Variants in SH3GL2 observed in about 807,000 individuals in gnomAD.
SH3GL2 encodes endophilin-A1.
A neutral mutation model predicts 46.0 loss-of-function variants in SH3GL2; 24 were observed. That is an observed-to-expected ratio of 0.52 (90% confidence interval 0.38 to 0.73). The LOEUF (loss-of-function observed/expected upper bound fraction) is 0.73, where lower values mean the gene tolerates loss of function less well. SH3GL2 is among the 30% of genes least tolerant of loss of function. SH3GL2 has a pLI of 0.00. For synonymous variants in SH3GL2, 196 were observed against 147.1 expected (o/e 1.33, Z -2.40); for missense variants, 413 against 424.2 (o/e 0.97, Z 0.23).
chr9:17,608,277 A>G (rs1430682640), intron 1 of SH3GL2, among the ~76,000 whole-genome samples: 1 of 150,692 alleles, frequency 6.6e-6, no homozygotes, highest in Non-Finnish European at 1.5e-5. Context: ...CCTCCCGAGT[A>G]TCTGGGACTA....
chr9:17,609,768 C>A (rs954435017), intron 1 of SH3GL2, among the ~76,000 whole-genome samples: 1 of 152,208 alleles, frequency 6.6e-6, no homozygotes, highest in African/African-American at 2.4e-5. Flanking sequence ...GACAGCTGAG[C>A]AAAGGCTCCC....
chr9:17,795,879 G>A lies in SH3GL2; in HGVS notation c.*136G>A. ...TCATCCAGCCCCACCAAGTGACTTT[G>A]GTTGACTTGTGGGCTCCCACAGGAG... On this transcript the variant is annotated 3_prime_UTR_variant, in exon 9 of 9. Coordinates refer to ENST00000380607, the MANE Select transcript of SH3GL2 (RefSeq NM_003026.5). The A allele has an allele frequency of 1.4e-6, 1 of 696,736 alleles. No homozygotes were observed. The highest frequency in any genetic ancestry group is 2.7e-5 in the East Asian group (1 of 36,732). The allele number at this position is 696,736 out of a possible 1,614,324, so 43.2% of individuals were successfully genotyped here. A position where few individuals can be genotyped will look rare whatever the true frequency, so the allele number is the denominator to read the frequency against.
chr9:17,738,676 A>AGAGAGAGAGAGAG (rs1554645350), intron 1 of SH3GL2, among the ~76,000 whole-genome samples: 1 of 147,374 alleles, frequency 6.8e-6, no homozygotes, highest in Non-Finnish European at 1.5e-5. Flanking sequence ...AGAGAGAGAT[A>AGAGAGAGAGAGAG]ATTTTATTTC....
chr9:17,755,608 A>G (rs1016371702), intron 2 of SH3GL2: 2 of 164,236 alleles, frequency 1.2e-5, no homozygotes, highest in African/African-American at 4.8e-5. Flanking sequence ...GACTGAATTT[A>G]TTTATATATT....
intron 1 of SH3GL2, among the ~76,000 whole-genome samples, chr9:17,675,479 G>C (rs1473099363): frequency 6.6e-6 from 1 of 152,140 alleles, no homozygotes; most frequent in African/African-American, 2.4e-5. Flanking sequence ...ATCAGTATCT[G>C]TCTGAAAAGA....
intron 3 of SH3GL2, among the ~76,000 whole-genome samples, chr9:17,762,832 T>C (rs1823216590): frequency 6.6e-6 from 1 of 152,236 alleles, no homozygotes; most frequent in Non-Finnish European, 1.5e-5. Context: ...TGCACATTTA[T>C]TCCTTACTGT....
At chr9:17,677,102 G>C (rs1820632534) in intron 1 of SH3GL2, among the ~76,000 whole-genome samples, 1 of 152,178 alleles carries the variant, frequency 6.6e-6, no homozygotes, top group Admixed American at 6.5e-5. Flanking sequence ...CTTAGAGGTT[G>C]AGCAAGATTT....
At chr9:17,686,674 T>C (rs988832427) in intron 1 of SH3GL2, among the ~76,000 whole-genome samples, 6 of 144,786 alleles carry the variant, frequency 4.1e-5, no homozygotes, top group African/African-American at 1.5e-4. Flanking sequence ...TCATTCTCAG[T>C]AAACTATCGC....
At chr9:17,678,101 G>T (rs1211921343) in intron 1 of SH3GL2, among the ~76,000 whole-genome samples, 1 of 152,170 alleles carries the variant, frequency 6.6e-6, no homozygotes, top group African/African-American at 2.4e-5. Flanking sequence ...GTGTATGTGT[G>T]CATGTGTCTT....
At chr9:17,725,716 C>T (rs1001122909) in intron 1 of SH3GL2, among the ~76,000 whole-genome samples, 1 of 152,134 alleles carries the variant, frequency 6.6e-6, no homozygotes, top group Non-Finnish European at 1.5e-5. Context: ...TCAGACTTTG[C>T]TCTTGGCACA....
At chr9:17,718,665 G>A (rs1821820545) in intron 1 of SH3GL2, among the ~76,000 whole-genome samples, 1 of 152,124 alleles carries the variant, frequency 6.6e-6, no homozygotes, top group Non-Finnish European at 1.5e-5. Context: ...GGGAGATCAA[G>A]GCTGAAGTTA....
intron 1 of SH3GL2, among the ~76,000 whole-genome samples, chr9:17,580,014 C>T (rs569331298): frequency 1.3e-5 from 2 of 152,272 alleles, no homozygotes; most frequent in African/African-American, 2.4e-5. Context: ...TCTTTGGCAT[C>T]TTGGATGTGC....
chr9:17,590,739 A>G (rs1421588441), intron 1 of SH3GL2: 5 of 152,198 alleles, frequency 3.3e-5, no homozygotes, highest in African/African-American at 9.7e-5. Flanking sequence ...TGTTCAGAAG[A>G]TATTTTTGTG....
At chr9:17,727,176 A>G (rs1366700680) in intron 1 of SH3GL2, among the ~76,000 whole-genome samples, 1 of 152,208 alleles carries the variant, frequency 6.6e-6, no homozygotes. Context: ...TATAAGTTTG[A>G]TGGGTAACAA....
At chr9:17,790,330 C>T (rs1164634085) in intron 6 of SH3GL2, 3 of 423,906 alleles carry the variant, frequency 7.1e-6, no homozygotes, top group African/African-American at 6.5e-5. Context: ...AATGCTTTAC[C>T]AGCTATCTGG....
At chr9:17,635,797 C>G (rs1173388582) in intron 1 of SH3GL2, among the ~76,000 whole-genome samples, 4 of 152,166 alleles carry the variant, frequency 2.6e-5, no homozygotes, top group African/African-American at 9.7e-5. Flanking sequence ...GAGTGGACAT[C>G]CTAAGGCTCT....
At chr9:17,792,710 A>G (rs1392098212) in intron 7 of SH3GL2, among the ~76,000 whole-genome samples, 1 of 152,142 alleles carries the variant, frequency 6.6e-6, no homozygotes, top group Non-Finnish European at 1.5e-5. Context: ...GCTCCTGTGT[A>G]TCTTTTAGTT....
At chr9:17,787,570 C>G in intron 5 of SH3GL2, 57 bp downstream of exon 5, 1 of 1,452,942 alleles carries the variant, frequency 6.9e-7, no homozygotes, top group Non-Finnish European at 9.5e-7. Context: ...GATGCAGATG[C>G]CTTTTTTCTT....
chr9:17,692,048 A>G (rs1391589273), intron 1 of SH3GL2, among the ~76,000 whole-genome samples: 1 of 152,178 alleles, frequency 6.6e-6, no homozygotes, highest in African/African-American at 2.4e-5. Context: ...ACCTGTGTGC[A>G]CATTTATTAA....
Sources: gnomAD v4.1 joint callset for allele counts (sites outside exome capture counted in the v4.1 genomes callset) on GRCh38, gnomAD v4.1.1 for gene constraint, MANE v1.5 for transcripts, NCBI Gene and HGNC (gene_info 2026-07-23, HGNC 2026-07-21) for gene names.